Variants in ATP6V0D1 observed in about 807,000 individuals in gnomAD.
ATP6V0D1 encodes the protein ATPase H+ transporting V0 subunit d1, also known as V-type proton ATPase subunit d 1.
ATP6V0D1 carries 13 observed loss-of-function variants against 39.0 expected under a neutral mutation model. The observed-to-expected ratio is 0.33, with a 90% CI of 0.22 to 0.53. The LOEUF is 0.53. Among genes scored for constraint, ATP6V0D1 ranks in the 20% least tolerant of loss-of-function variants. ATP6V0D1 has a pLI of 0.94. For synonymous variants in ATP6V0D1, 191 were observed against 191.2 expected (o/e 1.00, Z 0.01); for missense variants, 272 against 470.9 (o/e 0.58, Z 3.91).
chr16:67,465,559 C>A (rs528573557), intron 1 of ATP6V0D1, among the ~76,000 whole-genome samples: 2 of 152,324 alleles, frequency 1.3e-5, no homozygotes, highest in East Asian at 3.9e-4. Context: ...GCTCCCAAGA[C>A]CCATGGGTTC....
At chr16:67,460,307 C>T (rs2041279127) in intron 1 of ATP6V0D1, among the ~76,000 whole-genome samples, 1 of 150,454 alleles carries the variant, frequency 6.6e-6, no homozygotes, top group Non-Finnish European at 1.5e-5. Flanking sequence ...GGCTGGTGGC[C>T]CAACAAAGCG....
At position 67,438,322 on chromosome 16, in the gene ATP6V0D1, G is replaced by C. The variant is rs916612941; in HGVS notation, c.*206C>G. The C allele has an allele frequency of 4.8e-6, 3 of 627,300 alleles. No individual in the cohort carries two copies. Among genetic ancestry groups the C allele is most frequent in the East Asian group, 2.9e-5 (1 of 34,950 alleles). The allele number at this position is 627,300 out of a possible 1,614,324, so 38.9% of individuals were successfully genotyped here. A position where few individuals can be genotyped will look rare whatever the true frequency, so the allele number is the denominator to read the frequency against. ...GGGGTCTTCGTCCATCCTTGGTGGG[G>C]GGGGGTGCCCAGCCCCTTTTCAGGC... On this transcript the variant is annotated 3_prime_UTR_variant, in exon 8 of 8. Transcript: ENST00000290949.
In ATP6V0D1 at chr16:67,447,314, G is replaced by T. The variant is rs914232390; in HGVS notation, c.303-2608C>A. Among the ~76,000 whole-genome samples, 1 of 152,236 alleles carries T rather than the reference G, an allele frequency of 6.6e-6. No homozygotes were observed. Among genetic ancestry groups the T allele is most frequent in the Non-Finnish European group, 1.5e-5 (1 of 68,040 alleles). The stretch of plus-strand genomic sequence containing the variant: ...GCTTTTCTCTCCTGCCCAGTGAGGG[G>T]CAGAATCCTCTTTTTCAGGAGATGA... On this transcript the variant is annotated intron_variant, in intron 2 of 7. Coordinates refer to ENST00000290949, the MANE Select transcript of ATP6V0D1 (RefSeq NM_004691.5). The surrounding 1 kb of genome is among the most constrained non-coding windows in gnomAD (Gnocchi z 4.1).
At chr16:67,477,555 G>A (rs2041425573) in intron 1 of ATP6V0D1, among the ~76,000 whole-genome samples, 3 of 152,104 alleles carry the variant, frequency 2.0e-5, no homozygotes, top group African/African-American at 7.2e-5. Flanking sequence ...ATTGAAACAA[G>A]ACAGATAATT....
At chr16:67,468,624 G>A (rs2041349369) in intron 1 of ATP6V0D1, among the ~76,000 whole-genome samples, 1 of 151,258 alleles carries the variant, frequency 6.6e-6, no homozygotes, top group East Asian at 1.9e-4. Flanking sequence ...AGGAAGGAAA[G>A]AAAGAAAGGA....
intron 2 of ATP6V0D1, among the ~76,000 whole-genome samples, chr16:67,451,412 G>T (rs1295717034): frequency 2.6e-5 from 4 of 152,202 alleles, no homozygotes; most frequent in Non-Finnish European, 5.9e-5. Context: ...GTCCCGCTGA[G>T]TCTGGAACCC....
intron 1 of ATP6V0D1, among the ~76,000 whole-genome samples, chr16:67,480,416 G>A (rs1315887548): frequency 6.6e-6 from 1 of 152,098 alleles, no homozygotes; most frequent in Non-Finnish European, 1.5e-5. Context: ...GCCTTCAGGA[G>A]ATACTGCCCA....
rs1346265128 is a variant in ATP6V0D1 at position 67,456,692 on chromosome 16, TG to T, written c.131-2978del. 1 of 152,256 alleles carries T rather than the reference TG, an allele frequency of 6.6e-6. No homozygotes were observed. The highest frequency in any genetic ancestry group is 2.4e-5 in the African/African-American group (1 of 41,460). The allele number at this position is 152,256 out of a possible 1,614,324, so 9.4% of individuals were successfully genotyped here. On this transcript the variant is annotated intron_variant, in intron 1 of 7. Coordinates refer to ENST00000290949, the MANE Select transcript of ATP6V0D1 (RefSeq NM_004691.5). The surrounding 1 kb of genome is among the most constrained non-coding windows in gnomAD (Gnocchi z 4.1). ...GACTTCTTCCTTTTCAGCTATAGCCTGGGCCTAGAGGCCGGGCCAGATGTAC... is the reference window on the plus strand; with the variant it reads ...GACTTCTTCCTTTTCAGCTATAGCCTGGCCTAGAGGCCGGGCCAGATGTAC...
chr16:67,472,158 G>C (rs1483308970), intron 1 of ATP6V0D1, among the ~76,000 whole-genome samples: 1 of 152,124 alleles, frequency 6.6e-6, no homozygotes, highest in African/African-American at 2.4e-5. Flanking sequence ...GCAGCAGGCT[G>C]CCAGACACCA....
rs140529913 is a variant in ATP6V0D1, at chr16:67,443,148, T to C, written c.512A>G (p.Gln171Arg). 6.2e-7 allele frequency: 1 copy of C among 1,613,904 alleles called. No individual in the cohort carries two copies. Among genetic ancestry groups the C allele is most frequent in the African/African-American group, 1.3e-5 (1 of 74,934 alleles). ...CTCGATGTTCATCTCGTCAAGGTCC[T>C]GCTCTGAAATGCAGTCCTGGAAAAA... ...AAFFQDCISE[Q>R]DLDEMNIEII... Residue 171 changes from glutamine to arginine, a missense_variant, in exon 4 of 8, where the codon CAG becomes CGG. Gln to Arg is a conservative substitution (Grantham distance 43). Coordinates refer to ENST00000290949, the MANE Select transcript of ATP6V0D1 (RefSeq NM_004691.5).
intron 1 of ATP6V0D1, among the ~76,000 whole-genome samples, chr16:67,461,358 T>A (rs2041288084): frequency 6.6e-6 from 1 of 152,058 alleles, no homozygotes; most frequent in Non-Finnish European, 1.5e-5. Context: ...CAAACCTACA[T>A]CTCACCTATC....
intron 1 of ATP6V0D1, among the ~76,000 whole-genome samples, chr16:67,468,915 C>G (rs1169021772): frequency 6.6e-6 from 1 of 152,208 alleles, no homozygotes; most frequent in African/African-American, 2.4e-5. Flanking sequence ...CCCACCAGAG[C>G]AAGTTCTGAC....
intron 2 of ATP6V0D1, among the ~76,000 whole-genome samples, chr16:67,450,069 G>A (rs1012931442): frequency 2.6e-5 from 4 of 152,214 alleles, no homozygotes; most frequent in African/African-American, 7.2e-5. Flanking sequence ...TCTGTGGGCA[G>A]TCAGGGCACT....
chr16:67,476,256 G>C (rs1167450404), intron 1 of ATP6V0D1, among the ~76,000 whole-genome samples: 1 of 150,268 alleles, frequency 6.7e-6, no homozygotes, highest in East Asian at 1.9e-4. Context: ...CAGATAGTAA[G>C]GAAGCTTTCA....
At chr16:67,442,649 T>G (rs1222627839) in intron 4 of ATP6V0D1, among the ~76,000 whole-genome samples, 1 of 151,918 alleles carries the variant, frequency 6.6e-6, no homozygotes, top group Non-Finnish European at 1.5e-5. Flanking sequence ...CTTGGGAACC[T>G]ACGAGGGACA....
intron 1 of ATP6V0D1, among the ~76,000 whole-genome samples, chr16:67,464,054 G>A (rs1420374657): frequency 6.6e-6 from 1 of 152,188 alleles, no homozygotes; most frequent in African/African-American, 2.4e-5. Flanking sequence ...TAAAGGGTTG[G>A]GGGCATGGGA....
At chr16:67,451,351 G>A (rs2041178100) in intron 2 of ATP6V0D1, among the ~76,000 whole-genome samples, 1 of 152,190 alleles carries the variant, frequency 6.6e-6, no homozygotes, top group Non-Finnish European at 1.5e-5. Flanking sequence ...CAGTTGGGGA[G>A]GGCGGGAAAT....
chr16:67,457,374 C>T, intron 1 of ATP6V0D1: 1 of 340,930 alleles, frequency 2.9e-6, no homozygotes, highest in Non-Finnish European at 5.8e-6. Context: ...CTCCTCTCCT[C>T]CCCACTCTGC....
chr16:67,440,417 A>G (rs1037318546), intron 4 of ATP6V0D1: 1 of 152,320 alleles, frequency 6.6e-6, no homozygotes, highest in Non-Finnish European at 1.5e-5. Flanking sequence ...CTCCATGCCA[A>G]GGAAGGTGGA....
Sources: gnomAD v4.1 joint callset for allele counts (sites outside exome capture counted in the v4.1 genomes callset) on GRCh38, gnomAD v4.1.1 for gene constraint, Gnocchi (gnomAD v3.1) non-coding constraint, MANE v1.5 for transcripts, NCBI Gene and HGNC (gene_info 2026-07-23, HGNC 2026-07-21) for gene names.